The following SLC6A13 variants were observed in gnomAD, a reference collection of about 807,000 sequenced individuals.
SLC6A13 encodes the protein solute carrier family 6 member 13.
Under a neutral mutation model 72.9 loss-of-function variants are expected in SLC6A13, and 69 were observed. The ratio of observed to expected loss-of-function variants is 0.95; its 90% CI spans 0.78 to 1.16. The LOEUF is 1.16. Among genes scored for constraint, SLC6A13 ranks in the 50% most tolerant of loss-of-function variants. The pLI, the probability that SLC6A13 is intolerant of heterozygous loss-of-function variation, is 0.00. For missense variants in SLC6A13, 735 were observed against 760.5 expected (o/e 0.97, Z 0.39); for synonymous variants, 303 against 303.0 (o/e 1.00, Z 0.00).
chr12:257,043 T>C (rs993786799), intron 2 of SLC6A13, among the ~76,000 whole-genome samples: 1 of 151,898 alleles, frequency 6.6e-6, no homozygotes, highest in South Asian at 2.1e-4. Flanking sequence ...CAGCAAAGGG[T>C]CCTTTCAGGA....
Position 257,797 on chromosome 12 carries a change from CCT to C in SLC6A13, c.202+2052_202+2053del, listed in dbSNP as rs533410059. ...CAGTCACTGCTCCCCTCCACTTTCC[CCT>C]GTCAGCCCAGTGCTTTGCATTAGAC... On this transcript the variant is annotated intron_variant, in intron 2 of 14. Transcript: ENST00000343164. Among the ~76,000 whole-genome samples the C allele has an allele frequency of 3.3e-3, 499 of 152,340 alleles. 4 individuals are homozygous for C. Among genetic ancestry groups the C allele is most frequent in the Non-Finnish European group, 5.9e-3 (401 of 68,032 alleles).
At chr12:253,204 C>A (rs1391405196) in intron 2 of SLC6A13, among the ~76,000 whole-genome samples, 1 of 152,232 alleles carries the variant, frequency 6.6e-6, no homozygotes, top group African/African-American at 2.4e-5. Flanking sequence ...CTTGGCCCCC[C>A]TTCTCAAAAG....
intron 1 of SLC6A13, among the ~76,000 whole-genome samples, chr12:261,038 AT>A (rs1457329350): frequency 6.6e-6 from 1 of 152,172 alleles, no homozygotes; most frequent in Non-Finnish European, 1.5e-5. Context: ...TAAGGCAGAG[AT>A]TTACTATGCG....
rs750182609 is a variant in SLC6A13 at position 235,229 on chromosome 12, T to C, written c.697-5A>G. On this transcript the variant is annotated splice_polypyrimidine_tract_variant and splice_region_variant and intron_variant, in intron 6 of 14. Coordinates refer to ENST00000343164, the MANE Select transcript of SLC6A13 (RefSeq NM_016615.5). ...TGTGGCCGTGAAGTACACCACCTGG[T>C]CATGGGCAAATGAGAGACAAGGAGC... The C allele has an allele frequency of 1.9e-6, 3 of 1,614,052 alleles. No homozygotes were observed. The highest frequency in any genetic ancestry group is 2.5e-6 in the Non-Finnish European group (3 of 1,179,984).
chr12:237,422 G>T (rs568622888), intron 5 of SLC6A13, 132 bp from the exon 6 acceptor site: 27 of 930,346 alleles, frequency 2.9e-5, no homozygotes, highest in Non-Finnish European at 3.4e-5. Flanking sequence ...TTCACATGAG[G>T]CCATCCTTAG....
At chr12:239,130 T>C (rs10744558) in intron 4 of SLC6A13, among the ~76,000 whole-genome samples, 107,593 of 135,870 alleles carry the variant, frequency 0.79, 42,733 homozygotes, top group Non-Finnish European at 0.9. Context: ...CCACACCATT[T>C]CCCTCAGCCA....
At chr12:250,931 T>C (rs566517749) in intron 2 of SLC6A13, among the ~76,000 whole-genome samples, 11 of 145,808 alleles carry the variant, frequency 7.5e-5, no homozygotes, top group South Asian at 2.2e-4. Context: ...CCAAGGTGGG[T>C]GGATCACGAG....
chr12:224,294 T>A, intron 10 of SLC6A13, 107 bp downstream of exon 10: 1 of 1,335,214 alleles, frequency 7.5e-7, no homozygotes, highest in Non-Finnish European at 1.1e-6. Flanking sequence ...CTCAAGCTCC[T>A]GTGTCCCCAA....
At chr12:228,445 G>T (rs913175014) in intron 7 of SLC6A13, among the ~76,000 whole-genome samples, 1 of 152,066 alleles carries the variant, frequency 6.6e-6, no homozygotes, top group African/African-American at 2.4e-5. Flanking sequence ...GGAGCACCCC[G>T]CTATGGACGC....
chr12:225,730 A>G lies in SLC6A13; in HGVS notation c.1060+660T>C, dbSNP rs1228285121. 2.0e-5 allele frequency among the ~76,000 whole-genome samples: 3 copies of G among 152,042 alleles called. No individual in the cohort carries two copies. The East Asian group carries it at 5.8e-4, about 29-fold the overall frequency. On this transcript the variant is annotated intron_variant, in intron 9 of 14. Transcript: ENST00000343164. ...AGAGAATCACAGACATCCACTGCCC[A>G]GGGCTTGGCATCCTGTGTGGCCCAG...
intron 6 of SLC6A13, 163 bp downstream of exon 6, chr12:236,995 G>A (rs1164315942): frequency 4.0e-6 from 3 of 747,050 alleles, no homozygotes; most frequent in Non-Finnish European, 6.6e-6. Context: ...AAGTATGTGA[G>A]TCTAGGAGAG....
At chr12:260,146 T>C in intron 1 of SLC6A13, 89 bp from the exon 2 acceptor site, 1 of 1,378,458 alleles carries the variant, frequency 7.3e-7, no homozygotes. Context: ...CATAAGGGAA[T>C]GAATGCACTG....
At chr12:255,422 G>A (rs972921435) in intron 2 of SLC6A13, among the ~76,000 whole-genome samples, 10 of 151,906 alleles carry the variant, frequency 6.6e-5, no homozygotes, top group Admixed American at 1.3e-4. Flanking sequence ...CTGTCCGGGC[G>A]CAGTGGCTCA....
Position 235,107 on chromosome 12 carries a change from G to A in SLC6A13, c.814C>T (p.Arg272Cys), listed in dbSNP as rs758728968. ...CTTCTTACCTGGGGATCCCACAGAC[G>A]CGTGAGGTTTGGGTACAGGTAAAAC... Reference protein sequence around the residue: ...IQFYLYPNLTRLWDPQVWMDA... With the variant: ...IQFYLYPNLTCLWDPQVWMDA... The change falls in exon 7 of 15, where the codon CGT becomes TGT. Residue 272 changes from arginine to cysteine, a missense_variant. Arg to Cys is a radical substitution (Grantham distance 180). Coordinates refer to ENST00000343164, the MANE Select transcript of SLC6A13 (RefSeq NM_016615.5). 44 of 1,614,116 alleles carry A rather than the reference G, an allele frequency of 2.7e-5. No individual in the cohort carries two copies. Among genetic ancestry groups the A allele is most frequent in the South Asian group, 6.6e-5 (6 of 91,080 alleles).
At chr12:221,258 A>G in intron 14 of SLC6A13, 118 bp downstream of exon 14, 1 of 1,308,376 alleles carries the variant, frequency 7.6e-7, no homozygotes, top group Non-Finnish European at 1.0e-6. Context: ...CCTGACACCC[A>G]GGCTGGGCCC....
At chr12:224,634 A>G (rs1431544730) in intron 9 of SLC6A13, 121 bp from the exon 10 acceptor site, 3 of 732,426 alleles carry the variant, frequency 4.1e-6, no homozygotes, top group Non-Finnish European at 6.9e-6. Flanking sequence ...TTCACCCCAA[A>G]GTTGCTGTCA....
intron 2 of SLC6A13, chr12:258,921 G>T (rs547999095): frequency 1.0e-6 from 1 of 985,472 alleles, no homozygotes; most frequent in Non-Finnish European, 1.2e-6. Context: ...GAGCCTCACC[G>T]TGCCAGCAAA....
chr12:258,435 G>T (rs963822010), intron 2 of SLC6A13, among the ~76,000 whole-genome samples: 14 of 152,130 alleles, frequency 9.2e-5, no homozygotes, highest in African/African-American at 3.4e-4. Flanking sequence ...CCTGCAAAAG[G>T]ATAGGTGTTG....
At chr12:246,117 C>CA (rs1942338571) in intron 2 of SLC6A13, among the ~76,000 whole-genome samples, 1 of 79,148 alleles carries the variant, frequency 1.3e-5, no homozygotes, top group African/African-American at 4.7e-5. Flanking sequence ...GACTCCATCT[C>CA]AAAAAATAAA....
Sources: allele counts gnomAD v4.1 joint callset (sites outside exome capture counted in the v4.1 genomes callset), GRCh38; gene constraint gnomAD v4.1.1; transcripts MANE v1.5; gene names NCBI Gene and HGNC (gene_info 2026-07-23, HGNC 2026-07-21).